The following RUNX1T1 variants were observed in gnomAD, a reference collection of about 807,000 sequenced individuals.
The protein encoded by RUNX1T1 is protein CBFA2T1.
RUNX1T1 carries 4 observed loss-of-function variants against 62.8 expected under a neutral mutation model. The ratio of observed to expected loss-of-function variants is 0.06; its 90% CI spans 0.03 to 0.15. RUNX1T1 has a LOEUF of 0.15. RUNX1T1 is among the 10% of genes least tolerant of loss of function. The probability of loss-of-function intolerance (pLI) is 1.00; values close to 1 mark genes in which losing one functional copy is unlikely to be tolerated. For missense variants in RUNX1T1, 508 were observed against 754.3 expected, an observed-to-expected ratio of 0.67 and a Z score of 3.82; for synonymous variants, 291 against 286.0, an observed-to-expected ratio of 1.02 and a Z score of -0.18.
chr8:92,029,611 CAAG>C (rs1461200198), intron 1 of RUNX1T1, among the ~76,000 whole-genome samples: 1 of 152,102 alleles, frequency 6.6e-6, no homozygotes, highest in African/African-American at 2.4e-5. Context: ...TAAAATATCC[CAAG>C]TAGCTTCGTC....
chr8:91,978,991 A>T (rs1411998930), intron 8 of RUNX1T1, among the ~76,000 whole-genome samples: 3 of 152,234 alleles, frequency 2.0e-5, no homozygotes, highest in Admixed American at 2.0e-4. Context: ...TCTAAAAGAC[A>T]GTTTTTCAAA....
intron 1 of RUNX1T1, chr8:92,017,811 T>A (rs1346141884): frequency 5.7e-6 from 1 of 174,398 alleles, no homozygotes; most frequent in African/African-American, 2.4e-5. Context: ...TGATTTTCTC[T>A]TACACCTGCC....
intron 1 of RUNX1T1, among the ~76,000 whole-genome samples, chr8:92,022,413 G>A (rs1824299230): frequency 6.6e-6 from 1 of 152,104 alleles, no homozygotes; most frequent in Non-Finnish European, 1.5e-5. Context: ...TGATCTGAAT[G>A]TTTCCCAAAA....
At chr8:92,034,661 C>CAT (rs779105261) in intron 1 of RUNX1T1, among the ~76,000 whole-genome samples, 19 of 149,430 alleles carry the variant, frequency 1.3e-4, no homozygotes, top group East Asian at 1.2e-3. Context: ...AAGAAAATGG[C>CAT]ATATATATAT....
At chr8:91,997,675 C>T (rs770903162) in intron 5 of RUNX1T1, among the ~76,000 whole-genome samples, 10 of 152,246 alleles carry the variant, frequency 6.6e-5, no homozygotes, top group Non-Finnish European at 4.4e-5. Context: ...CATCTCTATA[C>T]GGGTCCCTCC....
At chr8:92,058,611 C>T (rs1831416630) in intron 1 of RUNX1T1, among the ~76,000 whole-genome samples, 1 of 152,186 alleles carries the variant, frequency 6.6e-6, no homozygotes, top group African/African-American at 2.4e-5. Flanking sequence ...CATAAACTAC[C>T]TGAACAAGTC....
intron 5 of RUNX1T1, among the ~76,000 whole-genome samples, chr8:91,998,924 G>A (rs1023689293): frequency 2.0e-5 from 3 of 152,140 alleles, no homozygotes; most frequent in African/African-American, 7.2e-5. Context: ...CTGGAAGAGA[G>A]ACCATTTAAT....
intron 6 of RUNX1T1, 30 bp from the exon 8 acceptor site, chr8:91,987,002 TA>T: frequency 1.4e-6 from 2 of 1,429,874 alleles, no homozygotes; most frequent in Non-Finnish European, 9.9e-7. Flanking sequence ...TGAATAACCC[TA>T]AAGCATTCAG....
At chr8:91,975,935 A>G in exon 9 of RUNX1T1, 2 of 1,613,564 alleles carry the variant, frequency 1.2e-6, no homozygotes, top group Non-Finnish European at 8.5e-7. Context: ...TCTGGCACGT[A>G]TCCAGACGCA....
At chr8:92,041,990 T>G (rs1171003229) in intron 1 of RUNX1T1, among the ~76,000 whole-genome samples, 1 of 151,824 alleles carries the variant, frequency 6.6e-6, no homozygotes, top group Non-Finnish European at 1.5e-5. Context: ...AGCTAATTTT[T>G]TTTTGTATTT....
At chr8:92,097,073 G>T in intron 1 of RUNX1T1, among the ~76,000 whole-genome samples, 1 of 152,260 alleles carries the variant, frequency 6.6e-6, no homozygotes, top group African/African-American at 2.4e-5. Flanking sequence ...GCTGGGCATA[G>T]GTGGGGGAAG....
rs1271798867 is a variant in RUNX1T1 at position 92,008,328 on chromosome 8, ACAT to A, written c.477+2671_477+2673del. Among the ~76,000 whole-genome samples, 117 of 151,630 alleles carry A rather than the reference ACAT, an allele frequency of 7.7e-4. 2 individuals are homozygous for A. Among genetic ancestry groups the A allele is most frequent in the Non-Finnish European group, 4.3e-4 (29 of 67,970 alleles). On this transcript the variant is annotated intron_variant, in intron 4 of 10. Coordinates refer to ENST00000396218, the Ensembl canonical transcript of RUNX1T1. ...CTTGACTTTACTAATACTGTCTCCC[ACAT>A]TCTTCTTATCAAAAAGAATTATTTG...
chr8:92,079,984 C>G (rs1000373852), intron 1 of RUNX1T1, among the ~76,000 whole-genome samples: 4 of 151,956 alleles, frequency 2.6e-5, no homozygotes, highest in South Asian at 2.1e-4. Flanking sequence ...CATGTCCCCC[C>G]ACCCTCTGCA....
At chr8:92,103,280 C>G (rs1163483400), upstream of RUNX1T1, 4 of 228,186 alleles carry the variant, frequency 1.8e-5, no homozygotes, top group Non-Finnish European at 3.5e-5. Context: ...CTCCCTCGCC[C>G]GCCCTCGCTC....
chr8:92,036,011 A>T (rs1563814107), intron 1 of RUNX1T1, among the ~76,000 whole-genome samples: 1 of 152,210 alleles, frequency 6.6e-6, no homozygotes, highest in African/African-American at 2.4e-5. Flanking sequence ...GTAAGTTCTT[A>T]ATGTAGCCTC....
At chr8:92,055,450 ATT>A (rs888162286) in intron 1 of RUNX1T1, among the ~76,000 whole-genome samples, 1 of 151,490 alleles carries the variant, frequency 6.6e-6, no homozygotes, top group African/African-American at 2.4e-5. Context: ...TAATTTATTA[ATT>A]TTTTTTTGAG....
chr8:91,968,710 T>G (rs1330424111), intron 10 of RUNX1T1, among the ~76,000 whole-genome samples: 3 of 152,188 alleles, frequency 2.0e-5, no homozygotes, highest in African/African-American at 7.2e-5. Flanking sequence ...GAAAAGATCC[T>G]TATTTCATTG....
At chr8:91,978,279 A>G (rs569642201) in intron 8 of RUNX1T1, among the ~76,000 whole-genome samples, 1 of 152,176 alleles carries the variant, frequency 6.6e-6, no homozygotes, top group Non-Finnish European at 1.5e-5. Flanking sequence ...TCCATGTCTC[A>G]GATGCCTCAT....
At chr8:92,036,430 T>C (rs906987114) in intron 1 of RUNX1T1, among the ~76,000 whole-genome samples, 2 of 152,228 alleles carry the variant, frequency 1.3e-5, no homozygotes, top group East Asian at 1.9e-4. Context: ...ATAATATCAC[T>C]AGTACTTCCC....
Sources: gnomAD v4.1 joint callset for allele counts (sites outside exome capture counted in the v4.1 genomes callset) on GRCh38, gnomAD v4.1.1 for gene constraint, MANE v1.5 for transcripts, NCBI Gene and HGNC (gene_info 2026-07-23, HGNC 2026-07-21) for gene names.